Variants in POF1B observed in about 807,000 individuals in gnomAD.
POF1B encodes protein POF1B.
In POF1B, 53 loss-of-function variants were observed where a neutral mutation model predicts 55.3. The ratio of observed to expected loss-of-function variants is 0.96; its 90% CI spans 0.77 to 1.20. The LOEUF (loss-of-function observed/expected upper bound fraction) is 1.20. Ranked by LOEUF, POF1B falls within the 50% of genes most tolerant of loss-of-function variation. The pLI, the probability that POF1B is intolerant of heterozygous loss-of-function variation, is 0.00. For missense variants in POF1B, 478 were observed against 420.5 expected, an observed-to-expected ratio of 1.14 and a Z score of -1.20; for synonymous variants, 188 against 148.3, an observed-to-expected ratio of 1.27 and a Z score of -1.95.
intron 7 of POF1B, among the ~76,000 whole-genome samples, chrX:85,330,124 T>A (rs1329104942): frequency 9.1e-6 from 1 of 110,079 alleles, no homozygotes; most frequent in Non-Finnish European, 1.9e-5. Flanking sequence ...ACAGATATGC[T>A]GTAATTATAT....
chrX:85,304,141 T>G (rs188675778), intron 14 of POF1B, among the ~76,000 whole-genome samples: 1 of 111,820 alleles, frequency 8.9e-6, no homozygotes, highest in Admixed American at 9.5e-5. Context: ...ACTTATTTTT[T>G]GCTTCAATTG....
rs1484380193 is a variant in POF1B at position 85,277,531 on chromosome X, C to T, written c.*1890G>A. 3.6e-5 allele frequency: 4 copies of T among 110,712 alleles called. No individual in the cohort carries two copies. Among genetic ancestry groups the T allele is most frequent in the Non-Finnish European group, 7.6e-5 (4 of 52,543 alleles). The allele number at this position is 110,712 out of a possible 1,213,427, so 9.1% of individuals were successfully genotyped here. ...ACTAGGTCTTATTTATACTTTCTAA[C>T]TACATAGTTTTTGTACACATTAAGC... On this transcript the variant is annotated 3_prime_UTR_variant, in exon 17 of 17. Transcript: ENST00000262753.
intron 7 of POF1B, among the ~76,000 whole-genome samples, chrX:85,316,223 A>G (rs201267675): frequency 1.1e-3 from 125 of 111,987 alleles, no homozygotes; most frequent in Middle Eastern, 4.6e-3. Context: ...TGAATAACTC[A>G]TTTAATCTAT....
chrX:85,321,391 A>G, intron 7 of POF1B, among the ~76,000 whole-genome samples: 1 of 110,538 alleles, frequency 9.0e-6, no homozygotes, highest in Non-Finnish European at 1.9e-5. Flanking sequence ...AAAATTCAAC[A>G]ACACTTCATG....
chrX:85,362,535 G>A (rs1184862245), intron 3 of POF1B, among the ~76,000 whole-genome samples: 1 of 111,977 alleles, frequency 8.9e-6, no homozygotes, highest in Non-Finnish European at 1.9e-5. Context: ...TTTATGTGAT[G>A]CATAGCATTT....
chrX:85,379,338 G>A lies in POF1B; in HGVS notation c.117C>T (p.Ala39=). ...CTACATTTTTTTCTGGAGGCTGCTG[G>A]GCTTGGCTTGACTGATGGTAGCAGT... ...HYHCYHQSSQ[A]QQPPEKNVVY... Residue 39 remains alanine (A), a synonymous_variant, in exon 2 of 17, where the codon GCC becomes GCT. Transcript: ENST00000262753. The A allele has an allele frequency of 8.3e-7, 1 of 1,210,076 alleles. No homozygotes were observed. Among genetic ancestry groups the A allele is most frequent in the Non-Finnish European group, 1.1e-6 (1 of 895,119 alleles).
intron 3 of POF1B, among the ~76,000 whole-genome samples, chrX:85,361,955 CGTGTGTGTGT>C (rs3049233): frequency 1.4e-4 from 13 of 94,275 alleles, no homozygotes; most frequent in African/African-American, 3.4e-4. Context: ...CTAGGTATTT[CGTGTGTGTGT>C]GTGTGTGTGT....
At chrX:85,285,576 T>C (rs1288784460) in intron 15 of POF1B, among the ~76,000 whole-genome samples, 1 of 101,289 alleles carries the variant, frequency 9.9e-6, no homozygotes, top group African/African-American at 3.7e-5. Flanking sequence ...CCACATGTTC[T>C]CACTCATAGG....
intron 2 of POF1B, among the ~76,000 whole-genome samples, chrX:85,374,507 A>G (rs192464784): frequency 4.3e-4 from 48 of 112,489 alleles, no homozygotes; most frequent in African/African-American, 1.5e-3. Context: ...CTAACATGAA[A>G]GTATAACTCT....
intron 6 of POF1B, among the ~76,000 whole-genome samples, chrX:85,336,645 A>T (rs765034135): frequency 4.2e-4 from 47 of 111,355 alleles, no homozygotes; most frequent in African/African-American, 1.5e-3. Flanking sequence ...GGCCCATTTT[A>T]AAAAATTAAA....
intron 7 of POF1B, among the ~76,000 whole-genome samples, chrX:85,328,840 A>C (rs192451658): frequency 1.1e-3 from 121 of 109,306 alleles, no homozygotes; most frequent in South Asian, 0.01. Context: ...TGTAAAAAAA[A>C]AAAACAAAAC....
At chrX:85,299,670 A>AT (rs767634530) in intron 15 of POF1B, among the ~76,000 whole-genome samples, 2,280 of 92,569 alleles carry the variant, frequency 0.025, 97 homozygotes, top group African/African-American at 0.093. Context: ...ACGCCTGGCT[A>AT]ATTTTTTTTT....
At position 85,360,527 on chromosome X, in the gene POF1B, GTATATATATATA is replaced by G. The variant is rs142665633; in HGVS notation, c.358-909_358-898del. Among the ~76,000 whole-genome samples the G allele has an allele frequency of 7.5e-4, 44 of 58,519 alleles. 2 individuals are homozygous for G. Among genetic ancestry groups the G allele is most frequent in the East Asian group, 2.5e-3 (5 of 2,016 alleles). The allele number at this position is 58,519 out of a possible 115,157, so 50.8% of individuals were successfully genotyped here. On this transcript the variant is annotated intron_variant, in intron 3 of 16. Coordinates refer to ENST00000262753, the MANE Select transcript of POF1B (RefSeq NM_024921.4). ...ATGGCTGCCTAGTATTCCATGGTAT[GTATATATATATA>G]TATATATATATATATATATACATAT...
chrX:85,334,301 C>T (rs910450586), intron 6 of POF1B, among the ~76,000 whole-genome samples: 1 of 110,591 alleles, frequency 9.0e-6, no homozygotes, highest in Non-Finnish European at 1.9e-5. Context: ...TATAGCTGCA[C>T]CTCATATATA....
chrX:85,345,603 G>T (rs191750955), intron 6 of POF1B, among the ~76,000 whole-genome samples: 1 of 110,977 alleles, frequency 9.0e-6, no homozygotes, highest in East Asian at 2.9e-4. Context: ...TAGAACTGAA[G>T]ATCAGCTACA....
chrX:85,291,883 T>A lies in POF1B; in HGVS notation c.1650-9566A>T, dbSNP rs188947007. Among the ~76,000 whole-genome samples the A allele has an allele frequency of 8.1e-5, 9 of 111,539 alleles. No individual in the cohort carries two copies. In the East Asian group the frequency reaches 2.3e-3, roughly 28 times the overall value. On this transcript the variant is annotated intron_variant, in intron 15 of 16. Coordinates refer to ENST00000262753, the MANE Select transcript of POF1B (RefSeq NM_024921.4). The stretch of plus-strand genomic sequence containing the variant: ...CATCTGCAAACAGGGATAGTTTGAC[T>A]TCCTCTCTTCCTATTTGGATGCCTT...
chrX:85,297,895 C>A (rs933969578), intron 15 of POF1B, among the ~76,000 whole-genome samples: 7 of 112,241 alleles, frequency 6.2e-5, no homozygotes, highest in African/African-American at 2.3e-4. Flanking sequence ...CCTATGAACT[C>A]ACACCTAACA....
intron 6 of POF1B, among the ~76,000 whole-genome samples, chrX:85,332,320 C>T (rs1227767680): frequency 1.8e-5 from 2 of 111,276 alleles, no homozygotes; most frequent in Non-Finnish European, 3.8e-5. Context: ...GTAGAGAACT[C>T]ATAGACTTCA....
At chrX:85,285,584 AG>A (rs1307072951) in intron 15 of POF1B, among the ~76,000 whole-genome samples, 1 of 99,605 alleles carries the variant, frequency 1.0e-5, no homozygotes, top group Non-Finnish European at 2.0e-5. Flanking sequence ...TCTCACTCAT[AG>A]GTGGGAATTG....
Sources: allele counts gnomAD v4.1 joint callset (sites outside exome capture counted in the v4.1 genomes callset), GRCh38; gene constraint gnomAD v4.1.1; transcripts MANE v1.5; gene names NCBI Gene and HGNC (gene_info 2026-07-23, HGNC 2026-07-21).